The following SNRPN variants were observed in gnomAD, a reference collection of about 807,000 sequenced individuals.
SNRPN encodes the protein small nuclear ribonucleoprotein polypeptide N.
SNRPN carries 7 observed loss-of-function variants against 25.2 expected under a neutral mutation model. That is an observed-to-expected ratio of 0.28 (90% CI 0.16 to 0.52). The LOEUF (loss-of-function observed/expected upper bound fraction) is 0.52. Among genes scored for constraint, SNRPN ranks in the 20% least tolerant of loss-of-function variants. The pLI, the probability that SNRPN is intolerant of heterozygous loss-of-function variation, is 0.96. For missense variants in SNRPN, 196 were observed against 322.5 expected (o/e 0.61, Z 3.00); for synonymous variants, 124 against 110.6 (o/e 1.12, Z -0.76).
At chr15:24,884,171 T>G (rs1291761215) in intron 1 of SNRPN, among the ~76,000 whole-genome samples, 1 of 96,252 alleles carries the variant, frequency 1.0e-5, no homozygotes, top group Non-Finnish European at 2.1e-5. Context: ...AAAAGATCTA[T>G]ATACACACAC....
At chr15:24,955,592 C>T (rs1449257268) in intron 1 of SNRPN, among the ~76,000 whole-genome samples, 3 of 118,236 alleles carry the variant, frequency 2.5e-5, no homozygotes, top group African/African-American at 1.0e-4. Context: ...GAGCAGGGTA[C>T]GTGGGGCGAC....
chr15:24,888,398 G>A (rs112948147), intron 2 of SNRPN, among the ~76,000 whole-genome samples: 2 of 152,082 alleles, frequency 1.3e-5, no homozygotes, highest in Admixed American at 6.6e-5. Flanking sequence ...GACCCACCAC[G>A]CCTGGCCAGG....
chr15:24,955,023 C>T lies in SNRPN; in HGVS notation c.-430C>T, dbSNP rs368646285. ...CGGCCGCCGGAGATGCCTGACGCAT[C>T]TGTCTGAGGAGCGGTCAGTGACGCG... On this transcript the variant is annotated 5_prime_UTR_variant, in exon 1 of 10. Transcript: ENST00000390687. 4.3e-6 allele frequency: 7 copies of T among 1,612,678 alleles called. No homozygotes were observed. In the Admixed American group the frequency reaches 6.7e-5, roughly 15 times the overall value.
In SNRPN at chr15:24,930,550, G is replaced by A. The variant is rs182241231; in HGVS notation, c.-391+10426G>A. 3.6e-4 allele frequency among the ~76,000 whole-genome samples: 52 copies of A among 146,266 alleles called. 1 individual carries two copies. Among genetic ancestry groups the A allele is most frequent in the East Asian group, 1.4e-3 (7 of 4,908 alleles). On this transcript the variant is annotated intron_variant, in intron 3 of 11. Transcript: ENST00000400097. ...CACCTGAGCTCAGGAATTTGAGACC[G>A]GCCTGGGAAACATAGGGAAACCCTG...
At chr15:24,848,973 C>A (rs2052535363) in intron 2 of SNRPN, 1 of 151,986 alleles carries the variant, frequency 6.6e-6, no homozygotes, top group Non-Finnish European at 1.5e-5. Context: ...GTGGTGCGGT[C>A]TCGGCTCACT....
chr15:24,978,568 A>T lies in SNRPN; in HGVS notation c.*124A>T. ...ATAATAGCTAATAATAAATGCATAG[A>T]GCAATTAAACTGTGAGGTACTGTTG... On this transcript the variant is annotated 3_prime_UTR_variant, in exon 10 of 10. Coordinates refer to ENST00000390687, the MANE Select transcript of SNRPN (RefSeq NM_003097.6). 1 of 904,702 alleles carries T rather than the reference A, an allele frequency of 1.1e-6. No individual in the cohort carries two copies. Among genetic ancestry groups the T allele is most frequent in the Non-Finnish European group, 1.8e-6 (1 of 550,918 alleles). The allele number at this position is 904,702 out of a possible 1,614,324, so 56.0% of individuals were successfully genotyped here.
rs1251129797 is a variant in SNRPN at position 24,929,611 on chromosome 15, G to T, written c.-391+9487G>T. Among the ~76,000 whole-genome samples, 1 of 151,900 alleles carries T rather than the reference G, an allele frequency of 6.6e-6. No homozygotes were observed. The highest frequency in any genetic ancestry group is 2.4e-5 in the African/African-American group (1 of 41,346). ...CCTTGAGTTCTGGGTGGCAGAAATG[G>T]CCCAGGGCCCTGGGCTGAGACCCAG... On this transcript the variant is annotated intron_variant, in intron 3 of 11. Coordinates refer to the SNRPN transcript ENST00000400097. The surrounding 1 kb of genome is among the most constrained non-coding windows in gnomAD (Gnocchi z 5.3).
intron 3 of SNRPN, among the ~76,000 whole-genome samples, chr15:24,941,256 C>T (rs1008622151): frequency 5.9e-5 from 9 of 152,156 alleles, no homozygotes; most frequent in African/African-American, 1.9e-4. Flanking sequence ...GGATTATAGG[C>T]GTGAGCCACT....
At chr15:24,919,209 C>G (rs2059889083) in intron 2 of SNRPN, among the ~76,000 whole-genome samples, 2 of 151,624 alleles carry the variant, frequency 1.3e-5, no homozygotes, top group Admixed American at 1.3e-4. Context: ...GCGGGCGGAT[C>G]ACGAGGTCAG....
At chr15:24,961,855 ATATAT>A (rs1330359119) in intron 1 of SNRPN, among the ~76,000 whole-genome samples, 2 of 152,108 alleles carry the variant, frequency 1.3e-5, no homozygotes, top group African/African-American at 4.8e-5. Context: ...ATAGAGGTAG[ATATAT>A]TATTTTAATT....
intron 3 of SNRPN, among the ~76,000 whole-genome samples, chr15:24,944,055 C>G (rs2061733282): frequency 6.6e-6 from 1 of 152,142 alleles, no homozygotes; most frequent in South Asian, 2.1e-4. Context: ...CTCCTGACCT[C>G]AAGTGATCTA....
In SNRPN at chr15:24,918,420, G is replaced by GTATATATATAACATAATATATATGTGCA. The variant is rs58843364; in HGVS notation, c.-504-1583_-504-1582insTAACATAATATATATGTGCATATATATA. ...TATATATATAACATAATATATATGT[G>GTATATATATAACATAATATATATGTGCA]TATATATAACATAATATATATGTGT... On this transcript the variant is annotated intron_variant, in intron 2 of 11. Coordinates refer to the SNRPN transcript ENST00000400097. 5.4e-5 allele frequency among the ~76,000 whole-genome samples: 2 copies of GTATATATATAACATAATATATATGTGCA among 36,774 alleles called. 1 individual carries two copies. The highest frequency in any genetic ancestry group is 2.4e-4 in the African/African-American group (2 of 8,364). 24.1% of individuals were successfully genotyped at this position (36,774 alleles called of 152,430 possible).
chr15:24,908,349 A>T (rs1457364404), intron 2 of SNRPN, among the ~76,000 whole-genome samples: 2 of 152,164 alleles, frequency 1.3e-5, no homozygotes, highest in African/African-American at 4.8e-5. Flanking sequence ...AAGAGTTTGG[A>T]AGTGCATGCT....
At chr15:24,829,565 G>A (rs1460314552) in intron 1 of SNRPN, among the ~76,000 whole-genome samples, 1 of 152,006 alleles carries the variant, frequency 6.6e-6, no homozygotes, top group African/African-American at 2.4e-5. Context: ...AGTGATGCAG[G>A]GGCCGCTCTC....
chr15:24,833,264 G>A (rs534220057), intron 2 of SNRPN, among the ~76,000 whole-genome samples: 1 of 151,988 alleles, frequency 6.6e-6, no homozygotes, highest in Non-Finnish European at 1.5e-5. Flanking sequence ...GCTAACAGTA[G>A]ATACTTGATT....
chr15:24,939,559 A>G (rs1382008659), intron 3 of SNRPN, among the ~76,000 whole-genome samples: 2 of 151,988 alleles, frequency 1.3e-5, no homozygotes, highest in Non-Finnish European at 2.9e-5. Context: ...CAACCTCATG[A>G]GTAGCTGAGA....
At chr15:24,827,190 G>A (rs1489570308) in intron 1 of SNRPN, among the ~76,000 whole-genome samples, 1 of 152,004 alleles carries the variant, frequency 6.6e-6, no homozygotes, top group Non-Finnish European at 1.5e-5. Context: ...GAAGGTCTAG[G>A]GCATTATTGT....
At chr15:24,918,608 CAT>C (rs1165725820) in intron 2 of SNRPN, among the ~76,000 whole-genome samples, 1 of 71,134 alleles carries the variant, frequency 1.4e-5, no homozygotes, top group Non-Finnish European at 2.6e-5. Flanking sequence ...ATATATATAA[CAT>C]AATATATATG....
chr15:24,958,523 A>AATAGACCAGGGTC (rs1156737700), intron 1 of SNRPN, among the ~76,000 whole-genome samples: 5 of 87,490 alleles, frequency 5.7e-5, no homozygotes, highest in Non-Finnish European at 1.2e-4. Context: ...TTTTTTTTAA[A>AATAGACCAGGGTC]TAGACCAGGG....
Sources: allele counts gnomAD v4.1 joint callset (sites outside exome capture counted in the v4.1 genomes callset), GRCh38; gene constraint gnomAD v4.1.1; non-coding constraint Gnocchi (gnomAD v3.1); transcripts MANE v1.5; gene names NCBI Gene and HGNC (gene_info 2026-07-23, HGNC 2026-07-21).